The following CDK10 variants were observed in gnomAD, a reference collection of about 807,000 sequenced individuals.
CDK10 encodes cyclin dependent kinase 10, also known as cyclin-dependent kinase 10.
CDK10 carries 55 observed loss-of-function variants against 51.0 expected under a neutral mutation model. The ratio of observed to expected loss-of-function variants is 1.08; its 90% CI spans 0.87 to 1.35. The LOEUF (loss-of-function observed/expected upper bound fraction) is 1.35, where lower values mean the gene tolerates loss of function less well. Among genes scored for constraint, CDK10 ranks in the 40% most tolerant of loss-of-function variants. CDK10 has a pLI of 0.00. For missense variants in CDK10, 589 were observed against 485.1 expected (o/e 1.21, Z -2.01); for synonymous variants, 255 against 199.1 (o/e 1.28, Z -2.36).
intron 8 of CDK10, chr16:89,693,761 C>A: frequency 1.8e-6 from 1 of 556,330 alleles, no homozygotes; most frequent in South Asian, 2.1e-5. Context: ...GGCTGCTTCA[C>A]GGACTGAAGG....
At chr16:89,688,636 C>G (rs1447729223) in intron 1 of CDK10, among the ~76,000 whole-genome samples, 1 of 152,174 alleles carries the variant, frequency 6.6e-6, no homozygotes, top group Non-Finnish European at 1.5e-5. Context: ...CCAGATGCCA[C>G]TGGGTAGCGT....
chr16:89,692,232 T>C (rs924506416), intron 5 of CDK10: 1 of 538,618 alleles, frequency 1.9e-6, no homozygotes, highest in Non-Finnish European at 3.3e-6. Context: ...TTTTCTGGGC[T>C]GCTGGGAGAG....
rs549866322 is a variant in CDK10, at chr16:89,691,786, G to C, written c.336-20G>C. 6 of 1,609,698 alleles carry C rather than the reference G, an allele frequency of 3.7e-6. No homozygotes were observed. Among genetic ancestry groups the C allele is most frequent in the South Asian group, 1.1e-5 (1 of 91,002 alleles). On this transcript the variant is annotated intron_variant, in intron 4 of 12. Transcript: ENST00000353379. ...TTAGGAGAAGGCCGGAGAGTGGCAT[G>C]CATCTTCTGTTTCTTCCAGCATCTT...
chr16:89,694,591 G>T, intron 9 of CDK10, 74 bp from the exon 10 acceptor site: 5 of 1,544,118 alleles, frequency 3.2e-6, no homozygotes, highest in Non-Finnish European at 4.3e-6. Context: ...TCTGGCTGCA[G>T]TCAGGTCCTC....
intron 1 of CDK10, chr16:89,687,408 C>G (rs985577834): frequency 4.5e-6 from 2 of 443,142 alleles, no homozygotes. Context: ...GGCTGGTGCT[C>G]TGAGAGGCCA....
chr16:89,693,557 C>T (rs1206330337), intron 8 of CDK10, 90 bp downstream of exon 8: 3 of 1,319,862 alleles, frequency 2.3e-6, no homozygotes, highest in African/African-American at 2.9e-5. Flanking sequence ...CTGCAACTGG[C>T]CTTGGGAATG....
chr16:89,694,410 T>C lies in CDK10; in HGVS notation c.668+178T>C, dbSNP rs115163557. The stretch of plus-strand genomic sequence containing the variant: ...GAAACCCAGGAGGAGGTGTGAGAAC[T>C]TAGCTTGCTGTTCTCAGGCTGGGAG... On this transcript the variant is annotated intron_variant, in intron 9 of 12. Coordinates refer to ENST00000353379, the MANE Select transcript of CDK10 (RefSeq NM_052988.5). 379 of 848,176 alleles carry C rather than the reference T, an allele frequency of 4.5e-4. 3 individuals carry two copies. The African/African-American group carries it at 5.5e-3, about 12-fold the overall frequency. The allele number at this position is 848,176 out of a possible 1,614,324, so 52.5% of individuals were successfully genotyped here. A position where few individuals can be genotyped will look rare whatever the true frequency, so the allele number is the denominator to read the frequency against.
chr16:89,691,727 C>T (rs546200977), intron 4 of CDK10, 79 bp from the exon 5 acceptor site: 2 of 1,427,370 alleles, frequency 1.4e-6, no homozygotes, highest in South Asian at 2.3e-5. Flanking sequence ...GCCCATGTCC[C>T]CTCCTGCAGC....
chr16:89,690,873 C>T (rs1404585899), intron 3 of CDK10, among the ~76,000 whole-genome samples: 1 of 152,188 alleles, frequency 6.6e-6, no homozygotes, highest in African/African-American at 2.4e-5. Flanking sequence ...GCAGGCTCAG[C>T]TCTGCTGTCC....
chr16:89,693,680 C>T (rs1379328563), intron 8 of CDK10: 5 of 597,846 alleles, frequency 8.4e-6, no homozygotes, highest in African/African-American at 7.4e-5. Flanking sequence ...CGTCAAGGGC[C>T]TGCCTAGATC....
At chr16:89,690,288 G>A in intron 2 of CDK10, 1 of 510,032 alleles carries the variant, frequency 2.0e-6, no homozygotes, top group South Asian at 2.5e-5. Flanking sequence ...AGAGCCTGGA[G>A]CCACAGAACT....
In CDK10 at chr16:89,693,400, G is replaced by A; in HGVS notation, c.541G>A (p.Asp181Asn). 6.2e-7 allele frequency: 1 copy of A among 1,614,186 alleles called. No individual in the cohort carries two copies. The highest frequency in any genetic ancestry group is 8.5e-7 in the Non-Finnish European group (1 of 1,180,046). ...ACACACTCCCCTCTCTGCTGCAGCG[G>A]ATTTCGGCCTGGCCCGGGCCTATGG... Reference protein sequence around the residue: ...MTDKGCVKTADFGLARAYGVP... With the variant: ...MTDKGCVKTANFGLARAYGVP... The change falls in exon 8 of 13, where the codon GAT becomes AAT. Residue 181 changes from aspartate to asparagine, a missense_variant and splice_region_variant. Asp to Asn is a conservative substitution (Grantham distance 23). Coordinates refer to ENST00000353379, the MANE Select transcript of CDK10 (RefSeq NM_052988.5).
Position 89,695,280 on chromosome 16 carries a change from C to A in CDK10, c.933-13C>A, listed in dbSNP as rs1435075054. The A allele has an allele frequency of 1.2e-6, 2 of 1,606,836 alleles. No individual in the cohort carries two copies. Among genetic ancestry groups the A allele is most frequent in the East Asian group, 4.5e-5 (2 of 44,732 alleles). On this transcript the variant is annotated splice_polypyrimidine_tract_variant and intron_variant, in intron 11 of 12. Coordinates refer to ENST00000353379, the MANE Select transcript of CDK10 (RefSeq NM_052988.5). Reference sequence around the variant, plus strand: ...CACTCACAAGTCGCACTAACGCAGGCTGCCTCCTCCAGGGCGACGGCCGGG... The same window carrying A: ...CACTCACAAGTCGCACTAACGCAGGATGCCTCCTCCAGGGCGACGGCCGGG...
chr16:89,691,307 G>A (rs1018694211), intron 3 of CDK10, 136 bp from the exon 4 acceptor site: 146 of 582,882 alleles, frequency 2.5e-4, no homozygotes, highest in Non-Finnish European at 3.7e-4. Context: ...TGCTTATTGG[G>A]GTCGCCCCAA....
Position 89,695,686 on chromosome 16 carries a change from A to G in CDK10, c.1077A>G (p.Lys359=), listed in dbSNP as rs1420840029. Residue 359 remains lysine, a synonymous_variant, in exon 13 of 13, where the codon AAA becomes AAG. Coordinates refer to ENST00000353379, the MANE Select transcript of CDK10 (RefSeq NM_052988.5). ...CCGAGGGCCAGAGCAAGCGCTGTAA[A>G]CCCTGACGGTGGGCCTGGCACACGC... is the stretch of plus-strand genomic sequence containing the variant. ...ATSEGQSKRC[K]P 3 of 1,596,360 alleles carry G rather than the reference A, an allele frequency of 1.9e-6. No individual in the cohort carries two copies. The highest frequency in any genetic ancestry group is 1.7e-6 in the Non-Finnish European group (2 of 1,173,790).
chr16:89,693,278 C>T lies in CDK10; in HGVS notation c.490C>T (p.Leu164=). Residue 164 remains leucine, a synonymous_variant, in exon 7 of 13, where the codon CTG becomes TTG. Transcript: ENST00000353379. ...GCCACTGTTTTTCCATCACAGGGAC[C>T]TGAAGGTTTCCAACTTGCTCATGAC... ...LHRNFIIHRD[L]KVSNLLMTDK... 2 of 1,614,128 alleles carry T rather than the reference C, an allele frequency of 1.2e-6. No homozygotes were observed. The highest frequency in any genetic ancestry group is 1.7e-5 in the Admixed American group (1 of 60,016).
intron 2 of CDK10, 131 bp from the exon 3 acceptor site, chr16:89,690,422 T>C (rs1018527525): frequency 1.9e-5 from 14 of 743,370 alleles, no homozygotes; most frequent in Non-Finnish European, 3.1e-5. Context: ...GGGGACTGAG[T>C]GTCACTGGGC....
chr16:89,689,268 G>C lies in CDK10; in HGVS notation c.104G>C (p.Ser35Thr). 1 of 1,614,144 alleles carries C rather than the reference G, an allele frequency of 6.2e-7. No individual in the cohort carries two copies. Reference protein sequence around the residue: ...PPEHRLGRCRSVKEFEKLNRI... With the variant: ...PPEHRLGRCRTVKEFEKLNRI... ...CTGTTTCAGCTGGGACGATGCCGGAGTGTGAAGGAGTTTGAGAAGCTGAAC... is the reference window on the plus strand; with the variant it reads ...CTGTTTCAGCTGGGACGATGCCGGACTGTGAAGGAGTTTGAGAAGCTGAAC... Residue 35 changes from serine (S) to threonine (T), a missense_variant, in exon 2 of 13, where the codon AGT becomes ACT. By Grantham distance (58) the Ser-to-Thr change is moderately conservative (BLOSUM62 1). Transcript: ENST00000353379.
chr16:89,688,029 G>A (rs982089482), intron 1 of CDK10, among the ~76,000 whole-genome samples: 2 of 151,650 alleles, frequency 1.3e-5, no homozygotes, highest in African/African-American at 4.8e-5. Context: ...TTAAGAGAAG[G>A]GAAGCCGGGA....
Sources: allele counts gnomAD v4.1 joint callset (sites outside exome capture counted in the v4.1 genomes callset), GRCh38; gene constraint gnomAD v4.1.1; transcripts MANE v1.5; gene names NCBI Gene and HGNC (gene_info 2026-07-23, HGNC 2026-07-21).